The following TAFA2 variants were observed in gnomAD, a reference collection of about 807,000 sequenced individuals.
The protein encoded by TAFA2 is TAFA chemokine like family member 2, also known as chemokine-like protein TAFA-2.
Under a neutral mutation model 18.8 loss-of-function variants are expected in TAFA2, and 7 were observed. The observed-to-expected ratio is 0.37, with a 90% confidence interval of 0.21 to 0.70. TAFA2 has a LOEUF of 0.70. Ranked by LOEUF, TAFA2 falls within the 30% of genes least tolerant of loss-of-function variation. The probability of loss-of-function intolerance (pLI) is 0.53; values close to 1 mark genes in which losing one functional copy is unlikely to be tolerated. For missense variants in TAFA2, 122 were observed against 158.1 expected (o/e 0.77, Z 1.23); for synonymous variants, 60 against 54.2 (o/e 1.11, Z -0.47).
intron 1 of TAFA2, among the ~76,000 whole-genome samples, chr12:61,922,520 A>G (rs1592488552): frequency 6.6e-6 from 1 of 152,318 alleles, no homozygotes; most frequent in East Asian, 1.9e-4. Flanking sequence ...TCCCCTAGCC[A>G]AGGGAAACAG....
chr12:61,928,763 C>A (rs933176924), intron 1 of TAFA2, among the ~76,000 whole-genome samples: 1 of 152,146 alleles, frequency 6.6e-6, no homozygotes, highest in Non-Finnish European at 1.5e-5. Flanking sequence ...TTGAAACCAA[C>A]CCAAATGGCC....
At chr12:61,862,030 C>A (rs535051920) in intron 2 of TAFA2, among the ~76,000 whole-genome samples, 209 of 152,194 alleles carry the variant, frequency 1.4e-3, no homozygotes, top group African/African-American at 4.3e-3. Flanking sequence ...AATAAAAATT[C>A]TTTTCCAAAC....
intron 1 of TAFA2, among the ~76,000 whole-genome samples, chr12:62,077,764 G>A (rs1868260862): frequency 2.0e-5 from 3 of 152,008 alleles, no homozygotes; most frequent in Non-Finnish European, 4.4e-5. Flanking sequence ...TCTCACAAGA[G>A]TACCTCATCC....
At chr12:62,193,408 C>T (rs1349779501), upstream of TAFA2, among the ~76,000 whole-genome samples, 1 of 152,162 alleles carries the variant, frequency 6.6e-6, no homozygotes, top group Admixed American at 6.5e-5. Context: ...CTCTAAAGGT[C>T]TGTGCTTTTA....
chr12:61,765,566 G>A (rs1869753824), intron 2 of TAFA2, among the ~76,000 whole-genome samples: 1 of 152,170 alleles, frequency 6.6e-6, no homozygotes, highest in South Asian at 2.1e-4. Context: ...GCAGAGAACG[G>A]AAATATATAA....
intron 1 of TAFA2, among the ~76,000 whole-genome samples, chr12:61,921,497 C>T (rs1336314507): frequency 6.6e-6 from 1 of 152,122 alleles, no homozygotes; most frequent in African/African-American, 2.4e-5. Context: ...ATGGAAAAGG[C>T]TATGGCTGAA....
intron 1 of TAFA2, among the ~76,000 whole-genome samples, chr12:62,005,191 A>G (rs1880506369): frequency 6.6e-6 from 1 of 152,130 alleles, no homozygotes; most frequent in South Asian, 2.1e-4. Flanking sequence ...TGTTACCACC[A>G]AAGAAAGATA....
intron 1 of TAFA2, among the ~76,000 whole-genome samples, chr12:62,031,404 G>A (rs1299222388): frequency 6.6e-6 from 1 of 152,122 alleles, no homozygotes; most frequent in Non-Finnish European, 1.5e-5. Context: ...GAATCAGACT[G>A]GCTCTCTTTG....
intron 1 of TAFA2, chr12:62,104,818 G>A (rs1869373362): frequency 5.3e-6 from 2 of 376,864 alleles, no homozygotes; most frequent in South Asian, 3.8e-5. Flanking sequence ...ATCTCTTTAT[G>A]ACAAGGTGAT....
At chr12:62,105,568 A>AT (rs1869410244) in intron 1 of TAFA2, among the ~76,000 whole-genome samples, 1 of 152,232 alleles carries the variant, frequency 6.6e-6, no homozygotes, top group Non-Finnish European at 1.5e-5. Context: ...TACAAAATGT[A>AT]TAACAGAGAT....
intron 1 of TAFA2, among the ~76,000 whole-genome samples, chr12:62,050,386 C>T (rs1440241968): frequency 6.6e-6 from 1 of 151,896 alleles, no homozygotes. Context: ...CTGGCTAACA[C>T]GGTGAAACCC....
At chr12:61,914,891 AG>A (rs1876758509) in intron 1 of TAFA2, among the ~76,000 whole-genome samples, 1 of 152,166 alleles carries the variant, frequency 6.6e-6, no homozygotes, top group African/African-American at 2.4e-5. Context: ...GGCCGGGCAC[AG>A]TGGCTCCTGC....
chr12:61,891,847 C>A (rs950412311), intron 1 of TAFA2, among the ~76,000 whole-genome samples: 1 of 151,896 alleles, frequency 6.6e-6, no homozygotes, highest in Admixed American at 6.6e-5. Flanking sequence ...AGCCTGATGG[C>A]CATGAGAAAG....
intron 2 of TAFA2, among the ~76,000 whole-genome samples, chr12:61,819,115 T>C (rs998000285): frequency 2.6e-5 from 4 of 152,210 alleles, no homozygotes; most frequent in South Asian, 2.1e-4. Flanking sequence ...TTGATGTTTA[T>C]ATTTACTTGT....
intron 4 of TAFA2, among the ~76,000 whole-genome samples, chr12:61,750,859 G>A (rs924451900): frequency 2.6e-5 from 4 of 152,056 alleles, no homozygotes; most frequent in Non-Finnish European, 5.9e-5. Flanking sequence ...ATAGCTTTTG[G>A]CTGAGACAGC....
intron 2 of TAFA2, among the ~76,000 whole-genome samples, chr12:61,795,213 G>C (rs147395471): frequency 6.6e-6 from 1 of 151,918 alleles, no homozygotes; most frequent in African/African-American, 2.4e-5. Flanking sequence ...CATTTGACCC[G>C]GCCATCCCAT....
rs139480077 is a variant in TAFA2 at position 62,021,728 on chromosome 12, C to T, written c.-1-154302G>A. 280 of 1,499,736 alleles carry T rather than the reference C, an allele frequency of 1.9e-4. 3 individuals carry two copies. The East Asian group carries it at 6.1e-3, about 32-fold the overall frequency. The allele number at this position is 1,499,736 out of a possible 1,614,324, so 92.9% of individuals were successfully genotyped here. A position where few individuals can be genotyped will look rare whatever the true frequency, so the allele number is the denominator to read the frequency against. On this transcript the variant is annotated intron_variant, in intron 1 of 4. Transcript: ENST00000416284. Reference sequence around the variant, plus strand: ...CAGTCTTACCAGTTGGGTCCCAAGGCAGCATGATCTTCACCTTGATGCCCA... The same window carrying T: ...CAGTCTTACCAGTTGGGTCCCAAGGTAGCATGATCTTCACCTTGATGCCCA...
At chr12:62,083,553 T>C (rs1334005479) in intron 1 of TAFA2, among the ~76,000 whole-genome samples, 1 of 152,150 alleles carries the variant, frequency 6.6e-6, no homozygotes, top group Non-Finnish European at 1.5e-5. Flanking sequence ...TGGGTTCTTA[T>C]CAATTTGAGC....
chr12:62,044,646 T>A (rs1881861771), intron 1 of TAFA2, among the ~76,000 whole-genome samples: 2 of 152,132 alleles, frequency 1.3e-5, no homozygotes, highest in Non-Finnish European at 2.9e-5. Flanking sequence ...TACCTGCTGT[T>A]AAATCAACAG....
Sources: gnomAD v4.1 joint callset for allele counts (sites outside exome capture counted in the v4.1 genomes callset) on GRCh38, gnomAD v4.1.1 for gene constraint, MANE v1.5 for transcripts, NCBI Gene and HGNC (gene_info 2026-07-23, HGNC 2026-07-21) for gene names.